SMIM13: variants seen among roughly 807,000 people sequenced by gnomAD.
The protein encoded by SMIM13 is small integral membrane protein 13.
Under a neutral mutation model 5.9 loss-of-function variants are expected in SMIM13, and 3 were observed. The observed-to-expected ratio is 0.51, with a 90% CI of 0.23 to 1.31. The LOEUF is 1.31. Among genes scored for constraint, SMIM13 ranks in the 40% most tolerant of loss-of-function variants. SMIM13 has a pLI of 0.18. For synonymous variants in SMIM13, 55 were observed against 46.0 expected (o/e 1.19, Z -0.79); for missense variants, 85 against 109.9 (o/e 0.77, Z 1.01).
At chr6:11,113,160 G>T (rs1379268479) in intron 1 of SMIM13, among the ~76,000 whole-genome samples, 1 of 152,166 alleles carries the variant, frequency 6.6e-6, no homozygotes, top group African/African-American at 2.4e-5. Context: ...TTAACATTCA[G>T]TTGCAAATCT....
At position 11,114,957 on chromosome 6, in the gene SMIM13, A is replaced by G. The variant is rs190402993; in HGVS notation, c.77-19446A>G. Reference sequence around the variant, plus strand: ...TGGATTTTGTTGCATTTCGAATGTGAAAGTAACCCATTCCTCAGATAAACC... The same window carrying G: ...TGGATTTTGTTGCATTTCGAATGTGGAAGTAACCCATTCCTCAGATAAACC... On this transcript the variant is annotated intron_variant, in intron 1 of 1. Coordinates refer to ENST00000416247, the MANE Select transcript of SMIM13 (RefSeq NM_001135575.2). Among the ~76,000 whole-genome samples the G allele has an allele frequency of 1.0e-2, 1,516 of 152,236 alleles. 9 individuals carry two copies. The highest frequency in any genetic ancestry group is 0.027 in the South Asian group (132 of 4,816).
rs1463672298 is a variant in SMIM13 at position 11,135,248 on chromosome 6, G to A, written c.*646G>A. 1 of 152,564 alleles carries A rather than the reference G, an allele frequency of 6.6e-6. No homozygotes were observed. Among genetic ancestry groups the A allele is most frequent in the South Asian group, 2.1e-4 (1 of 4,828 alleles). 9.5% of individuals were successfully genotyped at this position (152,564 alleles called of 1,614,324 possible). A position where few individuals can be genotyped will look rare whatever the true frequency, so the allele number is the denominator to read the frequency against. ...AATATTCGTCGCTGGAGAAATGATCGCAATTCCATATTTTCCTGCAAAGCA... is the reference window on the plus strand; with the variant it reads ...AATATTCGTCGCTGGAGAAATGATCACAATTCCATATTTTCCTGCAAAGCA... On this transcript the variant is annotated 3_prime_UTR_variant, in exon 2 of 2. Coordinates refer to ENST00000416247, the MANE Select transcript of SMIM13 (RefSeq NM_001135575.2).
At position 11,134,667 on chromosome 6, in the gene SMIM13, A is replaced by G. The variant is rs1758496037; in HGVS notation, c.*65A>G. ...CTGTCTTTTACTGACTTCGCTTTGA[A>G]ATTTACTAATGACTGAAGAACATTT... is the stretch of plus-strand genomic sequence containing the variant. On this transcript the variant is annotated 3_prime_UTR_variant, in exon 2 of 2. Transcript: ENST00000416247. The G allele has an allele frequency of 8.6e-7, 1 of 1,168,130 alleles. No individual in the cohort carries two copies. Among genetic ancestry groups the G allele is most frequent in the African/African-American group, 1.6e-5 (1 of 63,800 alleles). The allele number at this position is 1,168,130 out of a possible 1,614,324, so 72.4% of individuals were successfully genotyped here. A position where few individuals can be genotyped will look rare whatever the true frequency, so the allele number is the denominator to read the frequency against.
chr6:11,113,301 T>C (rs1384046698), intron 1 of SMIM13, among the ~76,000 whole-genome samples: 1 of 152,234 alleles, frequency 6.6e-6, no homozygotes, highest in Non-Finnish European at 1.5e-5. Flanking sequence ...TTTGATGGTA[T>C]TGTCTGTTTT....
At chr6:11,122,552 C>G (rs1463134580) in intron 1 of SMIM13, among the ~76,000 whole-genome samples, 2 of 151,296 alleles carry the variant, frequency 1.3e-5, no homozygotes, top group Admixed American at 1.3e-4. Flanking sequence ...CAGTGTGGAC[C>G]AAAGATCAGG....
At chr6:11,094,841 T>C (rs1757902481) in intron 1 of SMIM13, among the ~76,000 whole-genome samples, 1 of 152,198 alleles carries the variant, frequency 6.6e-6, no homozygotes, top group Non-Finnish European at 1.5e-5. Context: ...AATTGTTTAC[T>C]TAGAGTTCAG....
intron 1 of SMIM13, among the ~76,000 whole-genome samples, chr6:11,129,367 C>G (rs776957331): frequency 5.3e-5 from 8 of 152,132 alleles, no homozygotes; most frequent in South Asian, 2.1e-4. Context: ...GGATTTTATT[C>G]TTTATGGCGG....
intron 1 of SMIM13, among the ~76,000 whole-genome samples, chr6:11,096,365 G>GT (rs751445501): frequency 3.3e-5 from 5 of 152,338 alleles, no homozygotes; most frequent in South Asian, 4.1e-4. Context: ...AGCTCAGATG[G>GT]TAATACTTGC....
At chr6:11,129,878 C>T (rs1021868502) in intron 1 of SMIM13, among the ~76,000 whole-genome samples, 1 of 152,082 alleles carries the variant, frequency 6.6e-6, no homozygotes, top group Non-Finnish European at 1.5e-5. Context: ...CATACTTTTC[C>T]TGGTATGTAT....
At chr6:11,104,274 G>A in intron 1 of SMIM13, 1 of 1,551,700 alleles carries the variant, frequency 6.4e-7, no homozygotes, top group Non-Finnish European at 8.7e-7. Context: ...CCTCACCCTG[G>A]GCAACGGGGA....
In SMIM13 at chr6:11,123,935, G is replaced by T. The variant is rs144661307; in HGVS notation, c.77-10468G>T. Among the ~76,000 whole-genome samples, 281 of 152,274 alleles carry T rather than the reference G, an allele frequency of 1.8e-3. 2 individuals are homozygous for T. Among genetic ancestry groups the T allele is most frequent in the African/African-American group, 6.3e-3 (263 of 41,544 alleles). On this transcript the variant is annotated intron_variant, in intron 1 of 1. Coordinates refer to ENST00000416247, the MANE Select transcript of SMIM13 (RefSeq NM_001135575.2). ...ACATGAGATATTTTGATACGGGCAT[G>T]CAATGCATAATAATCACATCAGGAT...
At chr6:11,104,280 G>A (rs1178290750) in intron 1 of SMIM13, 43 of 1,551,584 alleles carry the variant, frequency 2.8e-5, no homozygotes, top group Non-Finnish European at 3.3e-5. Context: ...CCTGGGCAAC[G>A]GGGAATTCCC....
Position 11,094,403 on chromosome 6 carries a change from G to A in SMIM13, c.76+14G>A, listed in dbSNP as rs557527472. 1.3e-6 allele frequency: 2 copies of A among 1,532,128 alleles called. No individual in the cohort carries two copies. The highest frequency in any genetic ancestry group is 8.8e-7 in the Non-Finnish European group (1 of 1,140,918). The allele number at this position is 1,532,128 out of a possible 1,614,324, so 94.9% of individuals were successfully genotyped here. A position where few individuals can be genotyped will look rare whatever the true frequency, so the allele number is the denominator to read the frequency against. On this transcript the variant is annotated intron_variant, in intron 1 of 1. Transcript: ENST00000416247. The stretch of plus-strand genomic sequence containing the variant: ...TGATGGTGTGCGGTGAGTGGGGGCG[G>A]TAGCCGCGAGGCAGTTCCACACGCC...
At chr6:11,096,377 T>C (rs989505699) in intron 1 of SMIM13, among the ~76,000 whole-genome samples, 3 of 152,218 alleles carry the variant, frequency 2.0e-5, no homozygotes, top group African/African-American at 7.2e-5. Context: ...AATACTTGCC[T>C]CCTGCAGGGA....
chr6:11,120,578 T>C (rs1758297032), intron 1 of SMIM13, among the ~76,000 whole-genome samples: 1 of 152,224 alleles, frequency 6.6e-6, no homozygotes, highest in Admixed American at 6.5e-5. Context: ...AATTTCAATA[T>C]ATGAATTTTG....
chr6:11,098,633 A>G (rs1467704686), intron 1 of SMIM13, among the ~76,000 whole-genome samples: 2 of 152,094 alleles, frequency 1.3e-5, no homozygotes. Context: ...GGGTTTCACC[A>G]TGTTGGCCAG....
intron 1 of SMIM13, among the ~76,000 whole-genome samples, chr6:11,120,411 T>A (rs1418853416): frequency 6.6e-6 from 1 of 152,190 alleles, no homozygotes; most frequent in African/African-American, 2.4e-5. Flanking sequence ...ATGTCTGTCT[T>A]CTCACTGTGT....
intron 1 of SMIM13, among the ~76,000 whole-genome samples, chr6:11,124,677 A>G (rs1758353140): frequency 1.3e-5 from 2 of 152,286 alleles, no homozygotes; most frequent in Admixed American, 6.5e-5. Flanking sequence ...CTCACCAGCA[A>G]TCGTTATTGT....
At chr6:11,130,428 C>A (rs748421189) in intron 1 of SMIM13, among the ~76,000 whole-genome samples, 1 of 152,100 alleles carries the variant, frequency 6.6e-6, no homozygotes, top group Non-Finnish European at 1.5e-5. Context: ...TATACCCAGA[C>A]AGAATTGGGA....
Sources: gnomAD v4.1 joint callset for allele counts (sites outside exome capture counted in the v4.1 genomes callset) on GRCh38, gnomAD v4.1.1 for gene constraint, MANE v1.5 for transcripts, NCBI Gene and HGNC (gene_info 2026-07-23, HGNC 2026-07-21) for gene names.